Variants in AHCYL1 observed in about 807,000 individuals in gnomAD.
AHCYL1 encodes S-adenosylhomocysteine hydrolase-like protein 1.
In AHCYL1, 20 loss-of-function variants were observed where a neutral mutation model predicts 79.3. The observed-to-expected ratio is 0.25, with a 90% CI of 0.18 to 0.37. The LOEUF is 0.37. AHCYL1 is among the 10% of genes least tolerant of loss of function. The probability of loss-of-function intolerance (pLI) is 1.00; values close to 1 mark genes in which losing one functional copy is unlikely to be tolerated. For missense variants in AHCYL1, 330 were observed against 673.6 expected (o/e 0.49, Z 5.65); for synonymous variants, 223 against 242.2 (o/e 0.92, Z 0.74).
At chr1:110,002,104 G>GTT (rs1181142785) in intron 1 of AHCYL1, among the ~76,000 whole-genome samples, 10 of 152,074 alleles carry the variant, frequency 6.6e-5, no homozygotes, top group Non-Finnish European at 1.3e-4. Flanking sequence ...TTTAAAAAAG[G>GTT]TAATACTAAA....
intron 1 of AHCYL1, chr1:110,003,849 C>A: frequency 1.1e-6 from 1 of 892,274 alleles, no homozygotes; most frequent in Non-Finnish European, 1.3e-6. Flanking sequence ...TTTTTTCTAA[C>A]TTCTTATGTT....
chr1:109,992,616 A>T (rs1649825980), intron 1 of AHCYL1, among the ~76,000 whole-genome samples: 1 of 152,200 alleles, frequency 6.6e-6, no homozygotes, highest in South Asian at 2.1e-4. Context: ...ATTTTAGAAG[A>T]GAGGTCAGTA....
At chr1:109,989,882 A>G (rs184283911) in intron 1 of AHCYL1, among the ~76,000 whole-genome samples, 360 of 152,362 alleles carry the variant, frequency 2.4e-3, no homozygotes, top group African/African-American at 8.2e-3. Flanking sequence ...ACCTACGTGC[A>G]TAGACCAGAA....
intron 1 of AHCYL1, among the ~76,000 whole-genome samples, chr1:109,988,025 G>A (rs1649562582): frequency 6.6e-6 from 1 of 152,124 alleles, no homozygotes; most frequent in African/African-American, 2.4e-5. Flanking sequence ...GAACATATAT[G>A]TGATATAAAA....
intron 1 of AHCYL1, among the ~76,000 whole-genome samples, chr1:109,992,408 CAAAAAA>C (rs57891226): frequency 4.1e-5 from 3 of 72,770 alleles, no homozygotes; most frequent in East Asian, 3.8e-4. Flanking sequence ...GACTCCGTCT[CAAAAAA>C]AAAAAAAAAA....
chr1:109,999,718 T>TG (rs398103167), intron 1 of AHCYL1, among the ~76,000 whole-genome samples: 1 of 151,850 alleles, frequency 6.6e-6, no homozygotes, highest in Non-Finnish European at 1.5e-5. Context: ...TTTTTTTTTT[T>TG]AACCTGAGGT....
intron 1 of AHCYL1, among the ~76,000 whole-genome samples, chr1:109,990,169 G>T (rs1649678237): frequency 6.6e-6 from 1 of 152,162 alleles, no homozygotes; most frequent in African/African-American, 2.4e-5. Context: ...ACAACATAAG[G>T]TAAGCACTGA....
At position 110,023,684 on chromosome 1, in the gene AHCYL1, A is replaced by C. The variant is rs939988541; in HGVS notation, c.*2004A>C. 3 of 152,688 alleles carry C rather than the reference A, an allele frequency of 2.0e-5. No individual in the cohort carries two copies. The highest frequency in any genetic ancestry group is 7.2e-5 in the African/African-American group (3 of 41,476). The allele number at this position is 152,688 out of a possible 1,614,324, so 9.5% of individuals were successfully genotyped here. ...TATTGAATGATTTTTAATGAATGCA[A>C]TATTAATCCTTGCAGATGAGCAATA... is the stretch of plus-strand genomic sequence containing the variant. On this transcript the variant is annotated 3_prime_UTR_variant, in exon 17 of 17. Coordinates refer to ENST00000369799, the MANE Select transcript of AHCYL1 (RefSeq NM_006621.7).
intron 1 of AHCYL1, among the ~76,000 whole-genome samples, chr1:110,004,737 C>T (rs1032660025): frequency 6.6e-6 from 1 of 151,604 alleles, no homozygotes; most frequent in Admixed American, 6.5e-5. Flanking sequence ...CATAGTGAGA[C>T]CCTGTCTCTT....
intron 10 of AHCYL1, 72 bp downstream of exon 10, chr1:110,017,655 A>T: frequency 6.7e-7 from 1 of 1,492,136 alleles, no homozygotes; most frequent in Non-Finnish European, 9.3e-7. Context: ...ATAATTGAGT[A>T]TATTAATCAT....
intron 2 of AHCYL1, among the ~76,000 whole-genome samples, chr1:110,010,770 A>G (rs1281993703): frequency 1.3e-5 from 2 of 152,208 alleles, no homozygotes; most frequent in Non-Finnish European, 2.9e-5. Context: ...GGGTCTAGCA[A>G]TATATGTTTT....
At chr1:110,017,920 C>A in intron 10 of AHCYL1, 26 bp from the exon 11 acceptor site, 1 of 1,612,058 alleles carries the variant, frequency 6.2e-7, no homozygotes, top group South Asian at 1.1e-5. Context: ...TTGCTTTACT[C>A]ATAGTGTTCC....
At chr1:109,985,322 C>G in intron 1 of AHCYL1, 150 bp downstream of exon 1, 1 of 1,363,696 alleles carries the variant, frequency 7.3e-7, no homozygotes, top group South Asian at 1.7e-5. Context: ...CGGCCCCAGG[C>G]CTCTCCCGGG....
chr1:110,014,682 C>T (rs2101735004), intron 5 of AHCYL1, 81 bp from the exon 6 acceptor site: 4 of 1,065,000 alleles, frequency 3.8e-6, no homozygotes, highest in African/African-American at 1.6e-5. Context: ...GCCTTTTTCT[C>T]TTCACATGGA....
At chr1:110,012,176 C>T (rs1052188099) in intron 3 of AHCYL1, among the ~76,000 whole-genome samples, 186 bp from the exon 4 acceptor site, 1 of 152,244 alleles carries the variant, frequency 6.6e-6, no homozygotes, top group African/African-American at 2.4e-5. Context: ...AAGAGAGAAA[C>T]TCCAAGTGGT....
chr1:109,992,147 G>A (rs936924888), intron 1 of AHCYL1, among the ~76,000 whole-genome samples: 3 of 152,010 alleles, frequency 2.0e-5, no homozygotes, highest in Admixed American at 6.5e-5. Context: ...AGTGGCTCAC[G>A]CCTGTAATCC....
At position 110,023,336 on chromosome 1, in the gene AHCYL1, C is replaced by G. The variant is rs907061876; in HGVS notation, c.*1656C>G. On this transcript the variant is annotated 3_prime_UTR_variant, in exon 17 of 17. Transcript: ENST00000369799. ...CTTACTCCTTGCCAGTGTGACCATG[C>G]TTTCTTCTCTGTAGATGTTAACAGT... 2.0e-5 allele frequency: 3 copies of G among 152,596 alleles called. No individual in the cohort carries two copies. The South Asian group carries it at 6.2e-4, about 32-fold the overall frequency. The allele number at this position is 152,596 out of a possible 1,614,324, so 9.5% of individuals were successfully genotyped here.
intron 13 of AHCYL1, 132 bp downstream of exon 13, chr1:110,018,782 A>C: frequency 1.0e-6 from 1 of 959,340 alleles, no homozygotes; most frequent in East Asian, 2.6e-5. Flanking sequence ...GATATTTCAC[A>C]AATTGGTCCC....
intron 1 of AHCYL1, among the ~76,000 whole-genome samples, chr1:110,002,912 C>A (rs1176188564): frequency 6.6e-6 from 1 of 152,094 alleles, no homozygotes; most frequent in Non-Finnish European, 1.5e-5. Flanking sequence ...AGGAAGGAAA[C>A]CCTCTGAAAA....
Sources: gnomAD v4.1 joint callset for allele counts (sites outside exome capture counted in the v4.1 genomes callset) on GRCh38, gnomAD v4.1.1 for gene constraint, MANE v1.5 for transcripts, NCBI Gene and HGNC (gene_info 2026-07-23, HGNC 2026-07-21) for gene names.